HKDC1: variants seen among roughly 807,000 people sequenced by gnomAD.
HKDC1 encodes the protein hexokinase domain containing 1.
A neutral mutation model predicts 96.6 loss-of-function variants in HKDC1; 66 were observed. The observed-to-expected ratio is 0.68, with a 90% CI of 0.56 to 0.84. The LOEUF is 0.84. HKDC1 is among the 40% of genes least tolerant of loss of function. HKDC1 has a pLI of 0.00. For missense variants in HKDC1, 1,211 were observed against 1,208.1 expected, an observed-to-expected ratio of 1.00 and a Z score of -0.04; for synonymous variants, 466 against 473.1, an observed-to-expected ratio of 0.98 and a Z score of 0.20.
At chr10:69,225,508 G>T (rs916927024) in intron 1 of HKDC1, among the ~76,000 whole-genome samples, 5 of 152,072 alleles carry the variant, frequency 3.3e-5, no homozygotes, top group African/African-American at 4.8e-5. Flanking sequence ...TTTGCTAATG[G>T]CTGTCTGATG....
Position 69,246,162 on chromosome 10 carries a change from T to C in HKDC1, c.959T>C (p.Phe320Ser). The C allele has an allele frequency of 6.2e-7, 1 of 1,614,234 alleles. No individual in the cohort carries two copies. Among genetic ancestry groups the C allele is most frequent in the Non-Finnish European group, 8.5e-7 (1 of 1,180,040 alleles). Residue 320 changes from phenylalanine to serine, a missense_variant, in exon 8 of 18, where the codon TTT becomes TCT. Coordinates refer to ENST00000354624, the MANE Select transcript of HKDC1 (RefSeq NM_025130.4). ...LLKMAKAGLL[F>S]GGEKSSALHT... ...AAGATGGCCAAGGCTGGCCTCCTGT[T>C]TGGTGGTGAGAAATCTTCTGCTCTC...
intron 13 of HKDC1, 74 bp downstream of exon 13, chr10:69,257,205 C>T: frequency 6.8e-7 from 1 of 1,472,800 alleles, no homozygotes; most frequent in Middle Eastern, 1.7e-4. Context: ...CATCCTCTGC[C>T]CAGTTCCTAT....
chr10:69,244,573 T>C (rs898241213), intron 7 of HKDC1, among the ~76,000 whole-genome samples: 103 of 152,204 alleles, frequency 6.8e-4, no homozygotes, highest in African/African-American at 2.4e-3. Context: ...CCCAGCACTT[T>C]GGGAGGCTGA....
At chr10:69,240,367 CA>C (rs1843436088) in intron 5 of HKDC1, among the ~76,000 whole-genome samples, 1 of 152,040 alleles carries the variant, frequency 6.6e-6, no homozygotes, top group African/African-American at 2.4e-5. Flanking sequence ...ACATCGACAA[CA>C]AAAAACAAGG....
chr10:69,263,183 G>T (rs1034706202), intron 16 of HKDC1, among the ~76,000 whole-genome samples: 1 of 152,068 alleles, frequency 6.6e-6, no homozygotes, highest in African/African-American at 2.4e-5. Flanking sequence ...TCCCACCTCA[G>T]CTGCCACCAC....
chr10:69,257,172 T>G (rs770021108), intron 13 of HKDC1, 41 bp downstream of exon 13: 1 of 1,566,204 alleles, frequency 6.4e-7, no homozygotes, highest in African/African-American at 1.4e-5. Flanking sequence ...TCTTGCTGCC[T>G]TCCCCAGGCC....
chr10:69,249,169 T>C (rs1361905505), intron 10 of HKDC1, among the ~76,000 whole-genome samples: 1 of 152,218 alleles, frequency 6.6e-6, no homozygotes, highest in Non-Finnish European at 1.5e-5. Flanking sequence ...CAACCCTTGA[T>C]CCTTCTGGTC....
In HKDC1 at chr10:69,246,164, G is replaced by A; in HGVS notation, c.961G>A (p.Gly321Ser). The change falls in exon 8 of 18, where the codon GGT becomes AGT. Residue 321 changes from glycine to serine, a missense_variant. Gly to Ser is a moderately conservative substitution (Grantham distance 56). Coordinates refer to ENST00000354624, the MANE Select transcript of HKDC1 (RefSeq NM_025130.4). ...LKMAKAGLLF[G>S]GEKSSALHTK... is the part of the protein sequence containing the mutation. ...GATGGCCAAGGCTGGCCTCCTGTTTGGTGGTGAGAAATCTTCTGCTCTCCA... is the reference window on the plus strand; with the variant it reads ...GATGGCCAAGGCTGGCCTCCTGTTTAGTGGTGAGAAATCTTCTGCTCTCCA... The A allele has an allele frequency of 6.2e-7, 1 of 1,614,236 alleles. No individual in the cohort carries two copies. Among genetic ancestry groups the A allele is most frequent in the Non-Finnish European group, 8.5e-7 (1 of 1,180,046 alleles).
At position 69,220,355 on chromosome 10, in the gene HKDC1, G is replaced by A; in HGVS notation, c.-81G>A. ...GGAGGTCTGCCAGCCTGGACTGGAA[G>A]CGTGCAACACTCCAGAGTCGTAGGA... On this transcript the variant is annotated 5_prime_UTR_variant, in exon 1 of 18. Transcript: ENST00000354624. 1 of 1,065,498 alleles carries A rather than the reference G, an allele frequency of 9.4e-7. No homozygotes were observed. Among genetic ancestry groups the A allele is most frequent in the East Asian group, 2.8e-5 (1 of 35,884 alleles). The allele number at this position is 1,065,498 out of a possible 1,614,324, so 66.0% of individuals were successfully genotyped here.
chr10:69,227,269 G>A lies in HKDC1; in HGVS notation c.126G>A (p.Arg42=), dbSNP rs750989819. The A allele has an allele frequency of 8.7e-6, 14 of 1,614,172 alleles. No individual in the cohort carries two copies. The highest frequency in any genetic ancestry group is 1.1e-5 in the Non-Finnish European group (13 of 1,180,030). ...SDDTLLDIMR[R]FRAEMEKGLA... The stretch of plus-strand genomic sequence containing the variant: ...ACACCCTTTTGGACATCATGAGGCG[G>A]TTCCGGGCTGAGATGGAGAAGGGCC... Residue 42 remains arginine (R), a synonymous_variant, in exon 2 of 18, where the codon CGG becomes CGA. Coordinates refer to ENST00000354624, the MANE Select transcript of HKDC1 (RefSeq NM_025130.4).
At chr10:69,224,954 A>C (rs974035999) in intron 1 of HKDC1, among the ~76,000 whole-genome samples, 2 of 152,160 alleles carry the variant, frequency 1.3e-5, no homozygotes, top group Non-Finnish European at 2.9e-5. Flanking sequence ...GTTTGGATTG[A>C]AAATAGGTGC....
At chr10:69,228,203 G>A (rs1404980366) in intron 2 of HKDC1, among the ~76,000 whole-genome samples, 1 of 152,096 alleles carries the variant, frequency 6.6e-6, no homozygotes, top group Non-Finnish European at 1.5e-5. Flanking sequence ...CTGCATCCTT[G>A]AGGCATGCCC....
At chr10:69,225,378 T>C (rs1276978643) in intron 1 of HKDC1, among the ~76,000 whole-genome samples, 3 of 152,202 alleles carry the variant, frequency 2.0e-5, no homozygotes, top group East Asian at 3.8e-4. Context: ...TTTCTCGGCT[T>C]GTGTGTGGCT....
At chr10:69,232,414 C>T (rs1843279451) in intron 2 of HKDC1, 1 of 235,912 alleles carries the variant, frequency 4.2e-6, no homozygotes, top group Non-Finnish European at 8.3e-6. Context: ...GCTCTCTCTT[C>T]CCAGTGATGG....
chr10:69,242,437 A>AC (rs1207731783), intron 6 of HKDC1, among the ~76,000 whole-genome samples: 12 of 148,792 alleles, frequency 8.1e-5, no homozygotes, highest in Non-Finnish European at 1.6e-4. Flanking sequence ...AAGAAAAAAA[A>AC]AAAAAAAAAA....
chr10:69,243,455 G>T, intron 7 of HKDC1, 90 bp downstream of exon 7: 2 of 1,077,152 alleles, frequency 1.9e-6, no homozygotes, highest in South Asian at 1.9e-5. Flanking sequence ...CTTTCCAGTT[G>T]TGACTAGCTA....
intron 17 of HKDC1, 102 bp downstream of exon 17, chr10:69,265,920 C>T: frequency 1.2e-6 from 1 of 818,740 alleles, no homozygotes; most frequent in Admixed American, 2.7e-5. Flanking sequence ...AAGATGCATC[C>T]CCGTCCTTTT....
At chr10:69,230,607 CT>C (rs1843240369) in intron 2 of HKDC1, among the ~76,000 whole-genome samples, 1 of 152,184 alleles carries the variant, frequency 6.6e-6, no homozygotes, top group Non-Finnish European at 1.5e-5. Flanking sequence ...GCTTAGGACA[CT>C]GTTTTCTCTT....
intron 4 of HKDC1, among the ~76,000 whole-genome samples, chr10:69,235,456 A>G (rs1843346168): frequency 2.6e-5 from 1 of 39,078 alleles, no homozygotes; most frequent in Non-Finnish European, 4.3e-5. Flanking sequence ...ACAACAAGCA[A>G]ACAAAAAACA....
Sources: allele counts gnomAD v4.1 joint callset (sites outside exome capture counted in the v4.1 genomes callset), GRCh38; gene constraint gnomAD v4.1.1; transcripts MANE v1.5; gene names NCBI Gene and HGNC (gene_info 2026-07-23, HGNC 2026-07-21).